CALN1: variants seen among roughly 807,000 people sequenced by gnomAD.
The protein encoded by CALN1 is calneuron 1.
In CALN1, 17 loss-of-function variants were observed where a neutral mutation model predicts 30.6. The ratio of observed to expected loss-of-function variants is 0.56; its 90% CI spans 0.38 to 0.83. CALN1 has a LOEUF of 0.83. Ranked by LOEUF, CALN1 falls within the 40% of genes least tolerant of loss-of-function variation. The pLI is 0.00. For missense variants in CALN1, 291 were observed against 354.9 expected, an observed-to-expected ratio of 0.82 and a Z score of 1.45; for synonymous variants, 156 against 131.4, an observed-to-expected ratio of 1.19 and a Z score of -1.28.
In CALN1 at chr7:72,052,022, G is replaced by C. The variant is rs565478215; in HGVS notation, c.389-28253C>G. ...TATTCAATGTTGTTTTCTGTGTTCT[G>C]GCCAATATTATGACTTGAGATACAA... On this transcript the variant is annotated intron_variant, in intron 4 of 6. Transcript: ENST00000395275. 9.9e-4 allele frequency among the ~76,000 whole-genome samples: 151 copies of C among 152,186 alleles called. 1 individual carries two copies. Among genetic ancestry groups the C allele is most frequent in the Non-Finnish European group, 1.8e-3 (119 of 68,000 alleles).
chr7:72,383,539 T>G (rs886878699), intron 2 of CALN1, among the ~76,000 whole-genome samples: 1 of 152,214 alleles, frequency 6.6e-6, no homozygotes, highest in African/African-American at 2.4e-5. Context: ...TGCCTGCATG[T>G]CTAGGATGTA....
intron 3 of CALN1, among the ~76,000 whole-genome samples, chr7:72,121,202 T>TA (rs1808355556): frequency 6.9e-6 from 1 of 144,342 alleles, no homozygotes; most frequent in Non-Finnish European, 1.5e-5. Context: ...ATATTATATA[T>TA]AATTCCATAT....
chr7:72,397,988 G>T (rs374489229), intron 2 of CALN1, among the ~76,000 whole-genome samples: 1 of 152,142 alleles, frequency 6.6e-6, no homozygotes, highest in East Asian at 1.9e-4. Flanking sequence ...TTTTAGGGCC[G>T]ATGAGTTCGG....
chr7:72,153,964 C>T (rs527674372), intron 3 of CALN1, among the ~76,000 whole-genome samples: 2 of 152,216 alleles, frequency 1.3e-5, no homozygotes, highest in South Asian at 2.1e-4. Flanking sequence ...ACTAACAATT[C>T]GCATTTCGGG....
intron 2 of CALN1, among the ~76,000 whole-genome samples, chr7:72,361,841 A>C (rs1412478414): frequency 1.3e-5 from 2 of 152,228 alleles, no homozygotes; most frequent in Non-Finnish European, 2.9e-5. Flanking sequence ...TAAGTGAAAA[A>C]CATCAGCTTA....
rs142203608 is a variant in CALN1 at position 72,383,607 on chromosome 7, C to T, written c.119+19644G>A. On this transcript the variant is annotated intron_variant, in intron 2 of 6. Coordinates refer to ENST00000395275, the MANE Select transcript of CALN1 (RefSeq NM_031468.4). ...CTTCACTTCTGTCCCCAGCAGCTGG[C>T]GCAGATGGTCCTTGTATAACTACAA... Among the ~76,000 whole-genome samples, 178 of 152,256 alleles carry T rather than the reference C, an allele frequency of 1.2e-3. 5 individuals carry two copies. In the East Asian group the frequency reaches 0.023, roughly 20 times the overall value.
Position 71,999,917 on chromosome 7 carries a change from T to G in CALN1, c.501+23740A>C, listed in dbSNP as rs551139896. On this transcript the variant is annotated intron_variant, in intron 5 of 6. Transcript: ENST00000395275. The stretch of plus-strand genomic sequence containing the variant: ...TAAATAACTGAAATCACACAGAATA[T>G]GTTACCTGGCCATAATGAAATCAAA... Among the ~76,000 whole-genome samples, 12 of 151,880 alleles carry G rather than the reference T, an allele frequency of 7.9e-5. No homozygotes were observed. In the East Asian group the frequency reaches 1.9e-3, roughly 25 times the overall value.
At chr7:72,391,585 GGA>G (rs1328207318) in intron 2 of CALN1, among the ~76,000 whole-genome samples, 2 of 152,108 alleles carry the variant, frequency 1.3e-5, no homozygotes, top group Non-Finnish European at 2.9e-5. Context: ...ACATGCTGTG[GGA>G]GAGACCCAGT....
At chr7:72,256,360 T>C (rs867409635) in intron 3 of CALN1, among the ~76,000 whole-genome samples, 1 of 152,044 alleles carries the variant, frequency 6.6e-6, no homozygotes, top group Non-Finnish European at 1.5e-5. Context: ...CTTGGGAGGC[T>C]GAGGTAGGAA....
At chr7:72,409,910 A>G (rs945327681) in intron 1 of CALN1, among the ~76,000 whole-genome samples, 6 of 152,176 alleles carry the variant, frequency 3.9e-5, no homozygotes, top group African/African-American at 1.4e-4. Context: ...GGGCCACATT[A>G]TAATCAGTTT....
chr7:72,310,996 G>A (rs188483241), intron 2 of CALN1, among the ~76,000 whole-genome samples: 3 of 151,724 alleles, frequency 2.0e-5, no homozygotes, highest in African/African-American at 4.8e-5. Flanking sequence ...TGAAAGGCAC[G>A]GGTGTACTTA....
chr7:72,356,556 T>A (rs1203730294), intron 2 of CALN1, among the ~76,000 whole-genome samples: 2 of 152,002 alleles, frequency 1.3e-5, no homozygotes, highest in East Asian at 3.9e-4. Flanking sequence ...AATGTAAAAC[T>A]AACAAGGACG....
At chr7:71,898,754 A>G (rs1793686044) in intron 5 of CALN1, among the ~76,000 whole-genome samples, 1 of 152,236 alleles carries the variant, frequency 6.6e-6, no homozygotes. Flanking sequence ...TTACTCTTAA[A>G]GAAGCAATAG....
At chr7:72,043,392 T>A (rs1223277703) in intron 4 of CALN1, among the ~76,000 whole-genome samples, 4 of 152,210 alleles carry the variant, frequency 2.6e-5, no homozygotes, top group African/African-American at 4.8e-5. Flanking sequence ...ATGTATTACA[T>A]AATGCAGAAC....
chr7:72,145,810 G>A (rs1786667071), intron 3 of CALN1, among the ~76,000 whole-genome samples: 1 of 152,158 alleles, frequency 6.6e-6, no homozygotes, highest in Non-Finnish European at 1.5e-5. Flanking sequence ...TGCAAGGCTG[G>A]TTCAACATAT....
chr7:71,920,278 T>C (rs1221475763), intron 5 of CALN1, among the ~76,000 whole-genome samples: 1 of 152,098 alleles, frequency 6.6e-6, no homozygotes, highest in Non-Finnish European at 1.5e-5. Context: ...ACACTTGATT[T>C]TAAAGCTTGT....
Position 71,782,087 on chromosome 7 carries a change from G to C in CALN1, c.*5688C>G, listed in dbSNP as rs920510388. 2 of 152,272 alleles carry C rather than the reference G, an allele frequency of 1.3e-5. No individual in the cohort carries two copies. The highest frequency in any genetic ancestry group is 4.8e-5 in the African/African-American group (2 of 41,544). 9.4% of individuals were successfully genotyped at this position (152,272 alleles called of 1,614,324 possible). On this transcript the variant is annotated 3_prime_UTR_variant, in exon 7 of 7. Transcript: ENST00000395275. ...CATAGGATACTAAGAGAAATGCTTG[G>C]CTTGTTGGTGTAATTGATCTCATTG...
rs149693965 is a variant in CALN1, at chr7:71,946,578, T to C, written c.501+77079A>G. 5.8e-3 allele frequency among the ~76,000 whole-genome samples: 876 copies of C among 152,142 alleles called. 8 individuals carry two copies. Among genetic ancestry groups the C allele is most frequent in the African/African-American group, 0.02 (810 of 41,492 alleles). ...AGTCTTGCTGTATTGCCTAGGCCGG[T>C]CTTGAACTCCTGGGCTCAAGCAATC... On this transcript the variant is annotated intron_variant, in intron 5 of 6. Coordinates refer to ENST00000395275, the MANE Select transcript of CALN1 (RefSeq NM_031468.4).
Position 72,403,427 on chromosome 7 carries a change from C to A in CALN1, c.-58G>T. The A allele has an allele frequency of 7.3e-7, 1 of 1,372,444 alleles. No individual in the cohort carries two copies. Among genetic ancestry groups the A allele is most frequent in the South Asian group, 1.3e-5 (1 of 77,886 alleles). The allele number at this position is 1,372,444 out of a possible 1,614,324, so 85.0% of individuals were successfully genotyped here. On this transcript the variant is annotated 5_prime_UTR_variant, in exon 2 of 7. Coordinates refer to ENST00000395275, the MANE Select transcript of CALN1 (RefSeq NM_031468.4). ...TAGAAGCTCATCAAAGGAACGTCAG[C>A]GAAGGCACTGAGACTCTGAAAGGAG...
Sources: allele counts gnomAD v4.1 joint callset (sites outside exome capture counted in the v4.1 genomes callset), GRCh38; gene constraint gnomAD v4.1.1; transcripts MANE v1.5; gene names NCBI Gene and HGNC (gene_info 2026-07-23, HGNC 2026-07-21).